The following SRCIN1 variants were observed in gnomAD, a reference collection of about 807,000 sequenced individuals.
SRCIN1 encodes P130Cas-associated protein.
In SRCIN1, 50 loss-of-function variants were observed where a neutral mutation model predicts 116.2. The observed-to-expected ratio is 0.43, with a 90% CI of 0.34 to 0.54. The LOEUF (loss-of-function observed/expected upper bound fraction) is 0.54. Among genes scored for constraint, SRCIN1 ranks in the 20% least tolerant of loss-of-function variants. SRCIN1 has a pLI of 0.02. For synonymous variants in SRCIN1, 736 were observed against 750.0 expected (o/e 0.98, Z 0.30); for missense variants, 1,446 against 1,672.0 (o/e 0.86, Z 2.36).
Position 38,535,152 on chromosome 17 carries a change from GTTAT to G in SRCIN1, c.3418-1725_3418-1722del, listed in dbSNP as rs571503550. The stretch of plus-strand genomic sequence containing the variant: ...GTTTTTTTGTTTGTTTGTTTGTTTT[GTTAT>G]TTATTTATTTAAGTTAAAGCGAAAA... On this transcript the variant is annotated intron_variant, in intron 18 of 18. Coordinates refer to ENST00000617146, the MANE Select transcript of SRCIN1 (RefSeq NM_025248.3). 3.0e-4 allele frequency among the ~76,000 whole-genome samples: 43 copies of G among 143,998 alleles called. No homozygotes were observed. The East Asian group carries it at 6.4e-3, about 21-fold the overall frequency. The allele number at this position is 143,998 out of a possible 152,430, so 94.5% of individuals were successfully genotyped here.
In SRCIN1 at chr17:38,562,372, G is replaced by C; in HGVS notation, c.835-44C>G. 13 of 1,404,814 alleles carry C rather than the reference G, an allele frequency of 9.3e-6. No homozygotes were observed. Among genetic ancestry groups the C allele is most frequent in the Non-Finnish European group, 1.1e-5 (12 of 1,087,836 alleles). 87.0% of individuals were successfully genotyped at this position (1,404,814 alleles called of 1,614,324 possible). Reference sequence around the variant, plus strand: ...GGAACCCCACGGGGCTGGTCACCAAGGACACCCCTGTCCCTTGCTTGAGGA... The same window carrying C: ...GGAACCCCACGGGGCTGGTCACCAACGACACCCCTGTCCCTTGCTTGAGGA... On this transcript the variant is annotated intron_variant, in intron 6 of 18. Transcript: ENST00000617146. This position sits in a 1 kb window ranked among gnomAD's most constrained non-coding sequence, Gnocchi z 4.2.
At chr17:38,537,392 T>C (rs1288113404) in intron 18 of SRCIN1, among the ~76,000 whole-genome samples, 2 of 151,694 alleles carry the variant, frequency 1.3e-5, no homozygotes, top group Non-Finnish European at 2.9e-5. Flanking sequence ...TCCAGCTACT[T>C]GGAAGGCTGA....
intron 11 of SRCIN1, among the ~76,000 whole-genome samples, chr17:38,555,242 C>T (rs1437635795): frequency 6.6e-6 from 1 of 152,206 alleles, no homozygotes; most frequent in Non-Finnish European, 1.5e-5. Context: ...GGCCATTTAA[C>T]TGAAGTCTAC....
At position 38,544,196 on chromosome 17, in the gene SRCIN1, C is replaced by T. The variant is rs977695960; in HGVS notation, c.3271-227G>A. Among the ~76,000 whole-genome samples the T allele has an allele frequency of 6.6e-6, 1 of 152,134 alleles. No individual in the cohort carries two copies. On this transcript the variant is annotated intron_variant, in intron 17 of 18. Transcript: ENST00000617146. This position sits in a 1 kb window ranked among gnomAD's most constrained non-coding sequence, Gnocchi z 4.5. The stretch of plus-strand genomic sequence containing the variant: ...AGGGGTGGGGCCCAAGCCAGTTTCC[C>T]AACGGCTCTTGAGGGAGAGCTCTTC...
chr17:38,562,044 G>A lies in SRCIN1; in HGVS notation c.1119C>T (p.Asp373=). The change falls in exon 7 of 19, where the codon GAC becomes GAT. Residue 373 remains aspartate (D), a synonymous_variant. Coordinates refer to ENST00000617146, the MANE Select transcript of SRCIN1 (RefSeq NM_025248.3). The surrounding 1 kb of genome is among the most constrained non-coding windows in gnomAD (Gnocchi z 4.2). ...TCGCCAGGTCCTCGTCCGGCTTCAC[G>A]TCGCGCCGCTCCAGGATGGCGCTGG... The part of the protein sequence containing the change: ...PSPSAILERR[D]VKPDEDLASK... 1 of 1,490,394 alleles carries A rather than the reference G, an allele frequency of 6.7e-7. No individual in the cohort carries two copies. Among genetic ancestry groups the A allele is most frequent in the Non-Finnish European group, 8.9e-7 (1 of 1,128,214 alleles). The allele number at this position is 1,490,394 out of a possible 1,614,324, so 92.3% of individuals were successfully genotyped here.
intron 1 of SRCIN1, chr17:38,601,279 T>C (rs1909006811): frequency 6.6e-6 from 1 of 152,228 alleles, no homozygotes; most frequent in African/African-American, 2.4e-5. Context: ...GTCTTTCTGC[T>C]GGGGGGTTTA....
At chr17:38,569,713 T>A (rs990849781) in intron 2 of SRCIN1, among the ~76,000 whole-genome samples, 41 of 152,114 alleles carry the variant, frequency 2.7e-4, no homozygotes, top group African/African-American at 9.7e-4. Flanking sequence ...TACCAGGCAG[T>A]AGAAGAGGAC....
chr17:38,605,251 C>G (rs1398837003), intron 1 of SRCIN1, among the ~76,000 whole-genome samples: 1 of 151,048 alleles, frequency 6.6e-6, no homozygotes, highest in South Asian at 2.1e-4. Context: ...TCTCCATCCC[C>G]TTCCCCTCCC....
chr17:38,586,738 G>A (rs1326697780), intron 1 of SRCIN1, among the ~76,000 whole-genome samples: 1 of 152,244 alleles, frequency 6.6e-6, no homozygotes, highest in Non-Finnish European at 1.5e-5. Flanking sequence ...GAGGGTGCAG[G>A]GCACTGCCAG....
chr17:38,561,583 G>A lies in SRCIN1; in HGVS notation c.1580C>T (p.Thr527Ile). 1 of 1,601,950 alleles carries A rather than the reference G, an allele frequency of 6.2e-7. No homozygotes were observed. The highest frequency in any genetic ancestry group is 8.5e-7 in the Non-Finnish European group (1 of 1,175,466). The change falls in exon 7 of 19, where the codon ACC (threonine) becomes ATC (isoleucine). Residue 527 changes from threonine to isoleucine, a missense_variant. By Grantham distance (89) the Thr-to-Ile change is moderately conservative (BLOSUM62 -1). This residue lies in a region of SRCIN1 where 398 missense variants were observed against 385.6 expected (regional missense o/e 1.03). Coordinates refer to ENST00000617146, the MANE Select transcript of SRCIN1 (RefSeq NM_025248.3). ...SVFAESPGGK[T>I]RSAGSASTAG... ...CGTCGAGGCGCTCCCCGCGCTGCGG[G>A]TCTTCCCTCCAGGACTCTCGGCAAA... is the stretch of plus-strand genomic sequence containing the variant.
At position 38,585,920 on chromosome 17, in the gene SRCIN1, G is replaced by A. The variant is rs941301277; in HGVS notation, c.23-7129C>T. Among the ~76,000 whole-genome samples the A allele has an allele frequency of 5.3e-5, 8 of 152,092 alleles. No individual in the cohort carries two copies. The highest frequency in any genetic ancestry group is 2.0e-4 in the Admixed American group (3 of 15,268). On this transcript the variant is annotated intron_variant, in intron 1 of 18. Coordinates refer to ENST00000617146, the MANE Select transcript of SRCIN1 (RefSeq NM_025248.3). The surrounding 1 kb of genome is among the most constrained non-coding windows in gnomAD (Gnocchi z 4.2). ...TCCTGCCTAGCTCCTGGCACAGAGC[G>A]GGGGCCAGAAACTCTGCACCTCCCC...
rs183669993 is a variant in SRCIN1, at chr17:38,562,939, C to A, written c.741-19G>T. 6.3e-7 allele frequency: 1 copy of A among 1,588,268 alleles called. No homozygotes were observed. Among genetic ancestry groups the A allele is most frequent in the Non-Finnish European group, 8.6e-7 (1 of 1,158,790 alleles). On this transcript the variant is annotated intron_variant, in intron 5 of 18. Coordinates refer to ENST00000617146, the MANE Select transcript of SRCIN1 (RefSeq NM_025248.3). The surrounding 1 kb of genome is among the most constrained non-coding windows in gnomAD (Gnocchi z 4.2). ...GATGTCCCTGGGAGAGGCGGGGAGA[C>A]GGGGGTCACCACCCATCCCCCAGCT...
intron 1 of SRCIN1, among the ~76,000 whole-genome samples, chr17:38,599,670 A>G (rs544395751): frequency 6.1e-4 from 93 of 152,356 alleles, no homozygotes; most frequent in South Asian, 5.4e-3. Context: ...TCCTATGCAG[A>G]GATGGAGGCA....
intron 2 of SRCIN1, among the ~76,000 whole-genome samples, chr17:38,573,475 T>C (rs749174994): frequency 6.6e-6 from 1 of 152,168 alleles, no homozygotes; most frequent in Admixed American, 6.5e-5. Context: ...CACAGACACT[T>C]TCCTGGTTAA....
At chr17:38,546,073 C>A (rs1905055515) in intron 17 of SRCIN1, among the ~76,000 whole-genome samples, 1 of 152,194 alleles carries the variant, frequency 6.6e-6, no homozygotes, top group South Asian at 2.1e-4. Flanking sequence ...CCTTGGGCAC[C>A]TGCTCCGGTG....
intron 2 of SRCIN1, among the ~76,000 whole-genome samples, chr17:38,576,952 C>G (rs1037439906): frequency 2.6e-5 from 4 of 152,066 alleles, no homozygotes; most frequent in African/African-American, 9.7e-5. Context: ...ACCATCTGCC[C>G]CACTTTTTCA....
chr17:38,597,075 C>T (rs778638004), intron 1 of SRCIN1, among the ~76,000 whole-genome samples: 11 of 152,232 alleles, frequency 7.2e-5, no homozygotes, highest in Non-Finnish European at 1.5e-4. Context: ...ACCCACAACA[C>T]GTCTGGCTAC....
intron 10 of SRCIN1, 129 bp downstream of exon 10, chr17:38,559,456 C>A (rs995024011): frequency 1.1e-4 from 104 of 953,472 alleles, no homozygotes; most frequent in Middle Eastern, 3.3e-4. Flanking sequence ...GGCCAGTGAG[C>A]GGCGAAGGAC....
chr17:38,576,954 AC>A (rs1284188546), intron 2 of SRCIN1, among the ~76,000 whole-genome samples: 3 of 151,512 alleles, frequency 2.0e-5, no homozygotes, highest in African/African-American at 7.3e-5. Flanking sequence ...CATCTGCCCC[AC>A]TTTTTCAGTC....
Sources: allele counts gnomAD v4.1 joint callset (sites outside exome capture counted in the v4.1 genomes callset), GRCh38; gene constraint gnomAD v4.1.1; regional missense constraint gnomAD v4.1.1; non-coding constraint Gnocchi (gnomAD v3.1); transcripts MANE v1.5; gene names NCBI Gene and HGNC (gene_info 2026-07-23, HGNC 2026-07-21).